ABCC1: variants seen among roughly 807,000 people sequenced by gnomAD.
ABCC1 encodes the protein multidrug resistance-associated protein 1.
Under a neutral mutation model 172.9 loss-of-function variants are expected in ABCC1, and 83 were observed. That is an observed-to-expected ratio of 0.48 (90% confidence interval 0.40 to 0.58). The LOEUF (loss-of-function observed/expected upper bound fraction) is 0.58, where lower values mean the gene tolerates loss of function less well. Ranked by LOEUF, ABCC1 falls within the 20% of genes least tolerant of loss-of-function variation. The pLI is 0.00. For missense variants in ABCC1, 1,817 were observed against 2,002.7 expected (o/e 0.91, Z 1.77); for synonymous variants, 937 against 825.2 (o/e 1.14, Z -2.32).
At chr16:16,124,678 G>A (rs1193202167) in intron 24 of ABCC1, 111 bp from the exon 25 acceptor site, 1 of 1,469,130 alleles carries the variant, frequency 6.8e-7, no homozygotes, top group Non-Finnish European at 9.4e-7. Flanking sequence ...TGGAATTACT[G>A]CGGAGTTACT....
At chr16:16,063,941 G>A (rs180946523) in intron 12 of ABCC1, among the ~76,000 whole-genome samples, 12 of 152,338 alleles carry the variant, frequency 7.9e-5, no homozygotes, top group Non-Finnish European at 1.8e-4. Flanking sequence ...GCCAGGGCTA[G>A]GTCATGTCTT....
intron 14 of ABCC1, among the ~76,000 whole-genome samples, chr16:16,072,286 T>A (rs1454781463): frequency 6.6e-6 from 1 of 151,786 alleles, no homozygotes; most frequent in Non-Finnish European, 1.5e-5. Context: ...GCTCAGGTGA[T>A]CCTCTGACCT....
chr16:15,952,575 G>A (rs1402904067), intron 1 of ABCC1, among the ~76,000 whole-genome samples: 2 of 151,946 alleles, frequency 1.3e-5, no homozygotes, highest in African/African-American at 2.4e-5. Flanking sequence ...CTATCAAAAC[G>A]GAAAATAGGG....
chr16:15,952,033 C>T (rs974662272), intron 1 of ABCC1, among the ~76,000 whole-genome samples: 2 of 152,178 alleles, frequency 1.3e-5, no homozygotes, highest in Non-Finnish European at 2.9e-5. Flanking sequence ...CCAGGAGCGA[C>T]TGGCCTCCCA....
chr16:16,123,265 C>A (rs1417868015), intron 24 of ABCC1, among the ~76,000 whole-genome samples: 1 of 152,184 alleles, frequency 6.6e-6, no homozygotes, highest in African/African-American at 2.4e-5. Context: ...ACCCCATCTT[C>A]CTAGAATGCT....
At chr16:16,069,753 A>G (rs1388954991) in intron 13 of ABCC1, among the ~76,000 whole-genome samples, 1 of 152,084 alleles carries the variant, frequency 6.6e-6, no homozygotes, top group Non-Finnish European at 1.5e-5. Context: ...GCCAAGCATG[A>G]TGGCTCACAC....
At chr16:16,107,570 G>C (rs757827983) in intron 21 of ABCC1, among the ~76,000 whole-genome samples, 3 of 152,148 alleles carry the variant, frequency 2.0e-5, no homozygotes, top group Non-Finnish European at 2.9e-5. Flanking sequence ...GATTACAGGG[G>C]TGAGCACCGC....
chr16:16,024,978 A>G (rs1318749380), intron 5 of ABCC1, among the ~76,000 whole-genome samples: 2 of 152,116 alleles, frequency 1.3e-5, no homozygotes, highest in Non-Finnish European at 2.9e-5. Context: ...CAATCTGGTC[A>G]ACATAGTGAG....
In ABCC1 at chr16:16,141,290, G is replaced by C. The variant is rs1266855072; in HGVS notation, c.*9G>C. The C allele has an allele frequency of 1.2e-6, 2 of 1,613,404 alleles. No individual in the cohort carries two copies. Among genetic ancestry groups the C allele is most frequent in the African/African-American group, 2.7e-5 (2 of 74,908 alleles). ...ACGCCGGCTTGGTGTGAGCCCCAGAGCTGGCATATCTGGTCAGAACTGCAG... is the reference window on the plus strand; with the variant it reads ...ACGCCGGCTTGGTGTGAGCCCCAGACCTGGCATATCTGGTCAGAACTGCAG... On this transcript the variant is annotated 3_prime_UTR_variant, in exon 31 of 31. Coordinates refer to ENST00000399410, the MANE Select transcript of ABCC1 (RefSeq NM_004996.4).
At chr16:16,056,338 T>C in intron 12 of ABCC1, 43 bp downstream of exon 12, 1 of 1,606,050 alleles carries the variant, frequency 6.2e-7, no homozygotes, top group Non-Finnish European at 8.5e-7. Context: ...TGTTTGATGT[T>C]TTATTTTCTC....
chr16:16,052,641 G>A, intron 10 of ABCC1, 83 bp from the exon 11 acceptor site: 1 of 1,347,810 alleles, frequency 7.4e-7, no homozygotes, highest in Non-Finnish European at 1.1e-6. Context: ...GCATCCACGT[G>A]GGATGGATCA....
intron 12 of ABCC1, among the ~76,000 whole-genome samples, chr16:16,058,234 G>C (rs1187831120): frequency 6.6e-6 from 1 of 152,138 alleles, no homozygotes; most frequent in African/African-American, 2.4e-5. Flanking sequence ...TTTAAGCACA[G>C]TTAAAAACAG....
At chr16:16,024,785 G>A (rs1347832421) in intron 5 of ABCC1, among the ~76,000 whole-genome samples, 4 of 152,176 alleles carry the variant, frequency 2.6e-5, no homozygotes, top group African/African-American at 9.6e-5. Flanking sequence ...ATTGGACATG[G>A]GGGTGAGGTC....
At chr16:16,133,078 G>T (rs2045767071) in intron 27 of ABCC1, among the ~76,000 whole-genome samples, 1 of 152,046 alleles carries the variant, frequency 6.6e-6, no homozygotes, top group African/African-American at 2.4e-5. Context: ...CCTTCTAGGG[G>T]GATGGCTCAA....
rs1173276621 is a variant in ABCC1 at position 16,111,383 on chromosome 16, T to C, written c.2880T>C (p.Leu960=). 1.2e-6 allele frequency: 2 copies of C among 1,614,000 alleles called. No homozygotes were observed. The highest frequency in any genetic ancestry group is 1.7e-6 in the Non-Finnish European group (2 of 1,179,952). Residue 960 remains leucine, a synonymous_variant, in exon 22 of 31, where the codon CTT becomes CTC. Transcript: ENST00000399410. ...ADKAQTGQVK[L]SVYWDYMKAI... is the part of the protein sequence containing the mutation. ...TCTCCTGTGATCTCCAGGTCAAGCT[T>C]TCCGTGTACTGGGACTACATGAAGG...
chr16:16,090,489 A>G lies in ABCC1; in HGVS notation c.2545A>G (p.Met849Val), dbSNP rs2051204691. The G allele has an allele frequency of 6.2e-7, 1 of 1,613,926 alleles. No homozygotes were observed. Among genetic ancestry groups the G allele is most frequent in the African/African-American group, 1.3e-5 (1 of 75,064 alleles). Residue 849 changes from methionine (M) to valine (V), a missense_variant, in exon 19 of 31, where the codon ATG (methionine) becomes GTG (valine). By Grantham distance (21) the Met-to-Val change is conservative (BLOSUM62 1). Around this residue, in one of 3 missense-constraint regions of ABCC1, gnomAD observed 1,412 missense variants for 1,600.3 expected, o/e 0.88. Coordinates refer to ENST00000399410, the MANE Select transcript of ABCC1 (RefSeq NM_004996.4). ...CATGAGTGGCGGCAAGATCTCTGAG[A>G]TGGGCTCCTACCAGGAGCTGCTGGC... is the stretch of plus-strand genomic sequence containing the variant. ...IVMSGGKISE[M>V]GSYQELLARD...
chr16:16,048,078 G>C lies in ABCC1; in HGVS notation c.1219-64G>C, dbSNP rs1210546702. 2.5e-6 allele frequency: 4 copies of C among 1,575,502 alleles called. No individual in the cohort carries two copies. The African/African-American group carries it at 4.0e-5, about 16-fold the overall frequency. Reference sequence around the variant, plus strand: ...GAGTCTCCTTCCTCTCCGTGGGTCTGGAGGGAGAGTCAGGCCTCTTCAGCT... The same window carrying C: ...GAGTCTCCTTCCTCTCCGTGGGTCTCGAGGGAGAGTCAGGCCTCTTCAGCT... On this transcript the variant is annotated intron_variant, in intron 9 of 30. Transcript: ENST00000399410.
intron 18 of ABCC1, among the ~76,000 whole-genome samples, chr16:16,089,230 C>T (rs3851711): frequency 0.4 from 61,031 of 152,002 alleles, 14,486 homozygotes; most frequent in Non-Finnish European, 0.53. Flanking sequence ...GGGTGGCTGA[C>T]AGCGGGAGTT....
In ABCC1 at chr16:16,125,924, C is replaced by G; in HGVS notation, c.3819+13C>G. ...GACTGAGAAGGAGGTAGGCAAGGGCCCCTGGCTGGACCTCTTGGTCTTTGG... is the reference window on the plus strand; with the variant it reads ...GACTGAGAAGGAGGTAGGCAAGGGCGCCTGGCTGGACCTCTTGGTCTTTGG... On this transcript the variant is annotated intron_variant, in intron 26 of 30. Transcript: ENST00000399410. 6.2e-7 allele frequency: 1 copy of G among 1,605,178 alleles called. No individual in the cohort carries two copies. The highest frequency in any genetic ancestry group is 8.5e-7 in the Non-Finnish European group (1 of 1,172,532).
Sources: allele counts gnomAD v4.1 joint callset (sites outside exome capture counted in the v4.1 genomes callset), GRCh38; gene constraint gnomAD v4.1.1; regional missense constraint gnomAD v4.1.1; transcripts MANE v1.5; gene names NCBI Gene and HGNC (gene_info 2026-07-23, HGNC 2026-07-21).